The following MAP7D2 variants were observed in gnomAD, a reference collection of about 807,000 sequenced individuals.
MAP7D2 encodes MAP7 domain containing 2, also known as MAP7 domain-containing protein 2.
MAP7D2 carries 33 observed loss-of-function variants against 63.5 expected under a neutral mutation model. That is an observed-to-expected ratio of 0.52 (90% CI 0.39 to 0.70). MAP7D2 has a LOEUF of 0.70. MAP7D2 is among the 30% of genes least tolerant of loss of function. The pLI is 0.00. For synonymous variants in MAP7D2, 224 were observed against 223.7 expected (o/e 1.00, Z -0.01); for missense variants, 626 against 604.0 (o/e 1.04, Z -0.38).
chrX:20,040,717 G>A (rs1021891040), intron 8 of MAP7D2, among the ~76,000 whole-genome samples: 2 of 111,321 alleles, frequency 1.8e-5, no homozygotes, highest in African/African-American at 6.5e-5. Context: ...TCTTATATGG[G>A]TGCAATTCAT....
chrX:20,019,890 C>G (rs1224312572), intron 10 of MAP7D2, among the ~76,000 whole-genome samples: 2 of 111,550 alleles, frequency 1.8e-5, no homozygotes, highest in Admixed American at 9.5e-5. Context: ...GGGTGGTTTC[C>G]AGGACCACTC....
chrX:20,075,300 A>T (rs2065614835), intron 1 of MAP7D2, among the ~76,000 whole-genome samples: 1 of 111,033 alleles, frequency 9.0e-6, no homozygotes, highest in Admixed American at 9.6e-5. Context: ...TTTCCATTCT[A>T]CCCATCCAAT....
At chrX:20,047,877 A>G (rs952630571) in intron 6 of MAP7D2, among the ~76,000 whole-genome samples, 21 of 56,342 alleles carry the variant, frequency 3.7e-4, no homozygotes, top group Admixed American at 2.4e-3. Flanking sequence ...GAAAGAGAGA[A>G]AAAAAAGACA....
At chrX:20,045,402 C>G (rs1200899631) in intron 6 of MAP7D2, among the ~76,000 whole-genome samples, 1 of 108,669 alleles carries the variant, frequency 9.2e-6, no homozygotes, top group African/African-American at 3.4e-5. Context: ...GGGCACACTC[C>G]TGTAGTCCCA....
At position 20,012,533 on chromosome X, in the gene MAP7D2, T is replaced by C. The variant is rs763309660; in HGVS notation, c.1888A>G (p.Ile630Val). The stretch of plus-strand genomic sequence containing the variant: ...TCCTGGCAGGTGTTCAATCCATTGA[T>C]TTCTGATCGAGAACACAAAGTCCCT... Reference protein sequence around the residue: ...TKLVVPNKMEINGLNTCQEVN... With the variant: ...TKLVVPNKMEVNGLNTCQEVN... Residue 630 changes from isoleucine (I) to valine (V), a missense_variant and splice_region_variant, in exon 15 of 17, where the codon ATC becomes GTC. Coordinates refer to ENST00000379643, the MANE Select transcript of MAP7D2 (RefSeq NM_001168465.2). The C allele has an allele frequency of 2.6e-6, 3 of 1,167,334 alleles. No individual in the cohort carries two copies. In the Admixed American group the frequency reaches 7.5e-5, roughly 29 times the overall value.
In MAP7D2 at chrX:20,026,920, C is replaced by T. The variant is rs753001355; in HGVS notation, c.1008-968G>A. 2.7e-5 allele frequency among the ~76,000 whole-genome samples: 3 copies of T among 112,145 alleles called. No homozygotes were observed. In the East Asian group the frequency reaches 8.3e-4, roughly 31 times the overall value. The stretch of plus-strand genomic sequence containing the variant: ...AAATTACAAGTCATCACCCTCAATC[C>T]TCAGCAGGTTGAACCATGAATTGCT... On this transcript the variant is annotated intron_variant, in intron 8 of 16. Coordinates refer to ENST00000379643, the MANE Select transcript of MAP7D2 (RefSeq NM_001168465.2).
rs759763083 is a variant in MAP7D2, at chrX:20,086,370, C to T, written c.131-21565G>A. On this transcript the variant is annotated intron_variant, in intron 1 of 16. Coordinates refer to ENST00000379643, the MANE Select transcript of MAP7D2 (RefSeq NM_001168465.2). ...TTTCAGCTACACGGTCCCATTTCAG[C>T]TACACGATAAATGAATAATCCAGAT... is the stretch of plus-strand genomic sequence containing the variant. Among the ~76,000 whole-genome samples, 201 of 112,114 alleles carry T rather than the reference C, an allele frequency of 1.8e-3. 2 individuals are homozygous for T. The highest frequency in any genetic ancestry group is 5.6e-3 in the African/African-American group (173 of 30,892).
intron 8 of MAP7D2, among the ~76,000 whole-genome samples, chrX:20,041,962 T>TG (rs1469797044): frequency 5.4e-5 from 6 of 111,182 alleles, no homozygotes; most frequent in African/African-American, 1.6e-4. Context: ...GCCCAGGAGT[T>TG]GGAGGCTATA....
intron 1 of MAP7D2, among the ~76,000 whole-genome samples, chrX:20,092,410 G>C (rs2066093218): frequency 9.0e-6 from 1 of 111,283 alleles, no homozygotes; most frequent in Non-Finnish European, 1.9e-5. Flanking sequence ...TGTGCCTAAA[G>C]TCCAGACCCA....
intron 1 of MAP7D2, among the ~76,000 whole-genome samples, chrX:20,083,412 T>C (rs2065826860): frequency 9.0e-6 from 1 of 111,699 alleles, no homozygotes; most frequent in Admixed American, 9.5e-5. Flanking sequence ...TATGCCTGAG[T>C]ATGGATGGTA....
chrX:20,097,313 A>T (rs2066298405), intron 1 of MAP7D2, among the ~76,000 whole-genome samples: 1 of 112,370 alleles, frequency 8.9e-6, no homozygotes, highest in Non-Finnish European at 1.9e-5. Context: ...AGCCATGTGC[A>T]GTTTCCACAG....
chrX:20,059,452 T>A (rs1449104630), intron 3 of MAP7D2, among the ~76,000 whole-genome samples: 1 of 111,661 alleles, frequency 9.0e-6, no homozygotes, highest in African/African-American at 3.3e-5. Flanking sequence ...TTAATAAATA[T>A]CAGAACTGCA....
chrX:20,030,882 C>T (rs1031805342), intron 8 of MAP7D2, among the ~76,000 whole-genome samples: 9 of 112,153 alleles, frequency 8.0e-5, no homozygotes, highest in African/African-American at 2.6e-4. Context: ...AAGGACCCAA[C>T]ACCTCTGCCA....
chrX:20,101,646 A>G (rs976143473), intron 1 of MAP7D2, among the ~76,000 whole-genome samples: 4 of 112,674 alleles, frequency 3.6e-5, no homozygotes, highest in South Asian at 3.6e-4. Flanking sequence ...GGAAAAAAAC[A>G]ATGTCCATCC....
At chrX:20,059,826 G>A (rs2065162887) in intron 3 of MAP7D2, among the ~76,000 whole-genome samples, 1 of 111,401 alleles carries the variant, frequency 9.0e-6, no homozygotes, top group Non-Finnish European at 1.9e-5. Context: ...CCTCACACTT[G>A]ATGCCTTGAG....
intron 11 of MAP7D2, 109 bp downstream of exon 11, chrX:20,015,985 A>T: frequency 2.8e-6 from 2 of 705,535 alleles, no homozygotes; most frequent in Non-Finnish European, 4.3e-6. Context: ...CAGACAGTTT[A>T]AGAAGAAACT....
chrX:20,112,818 A>G (rs983111244), intron 1 of MAP7D2, among the ~76,000 whole-genome samples: 4 of 111,733 alleles, frequency 3.6e-5, no homozygotes, highest in Non-Finnish European at 1.9e-5. Context: ...AAGACCCACC[A>G]GGATATTTAC....
intron 16 of MAP7D2, 74 bp downstream of exon 16, chrX:20,010,703 G>A: frequency 3.2e-6 from 3 of 926,174 alleles, no homozygotes; most frequent in Non-Finnish European, 4.5e-6. Context: ...CCAAGAGGCT[G>A]AGTGATATAC....
In MAP7D2 at chrX:20,116,882, G is replaced by A; in HGVS notation, c.-3C>T. 3.6e-6 allele frequency: 4 copies of A among 1,113,995 alleles called. No individual in the cohort carries two copies. The highest frequency in any genetic ancestry group is 4.7e-6 in the Non-Finnish European group (4 of 848,594). 91.8% of individuals were successfully genotyped at this position (1,113,995 alleles called of 1,213,427 possible). A position where few individuals can be genotyped will look rare whatever the true frequency, so the allele number is the denominator to read the frequency against. Reference sequence around the variant, plus strand: ...GAGCCGCCGCCGCCGCGCTCCATCGGGATGCGCCGGCCGCACAGGCGCACT... The same window carrying A: ...GAGCCGCCGCCGCCGCGCTCCATCGAGATGCGCCGGCCGCACAGGCGCACT... On this transcript the variant is annotated 5_prime_UTR_variant, in exon 1 of 17. Coordinates refer to ENST00000379643, the MANE Select transcript of MAP7D2 (RefSeq NM_001168465.2).
Sources: allele counts gnomAD v4.1 joint callset (sites outside exome capture counted in the v4.1 genomes callset), GRCh38; gene constraint gnomAD v4.1.1; transcripts MANE v1.5; gene names NCBI Gene and HGNC (gene_info 2026-07-23, HGNC 2026-07-21).